The following TENM3 variants were observed in gnomAD, a reference collection of about 807,000 sequenced individuals.
TENM3 encodes teneurin transmembrane protein 3.
Under a neutral mutation model 255.1 loss-of-function variants are expected in TENM3, and 63 were observed. The observed-to-expected ratio is 0.25, with a 90% CI of 0.20 to 0.30. The LOEUF (loss-of-function observed/expected upper bound fraction) is 0.30, where lower values mean the gene tolerates loss of function less well. TENM3 is among the 10% of genes least tolerant of loss of function. TENM3 has a pLI of 1.00. For missense variants in TENM3, 2,929 were observed against 3,461.1 expected (o/e 0.85, Z 3.86); for synonymous variants, 1,306 against 1,322.3 (o/e 0.99, Z 0.27).
the TENM3 span, among the ~76,000 whole-genome samples, chr4:181,918,003 T>G: frequency 2.0e-5 from 3 of 152,182 alleles, no homozygotes; most frequent in Non-Finnish European, 2.9e-5. Flanking sequence ...TTTGTTATTA[T>G]ATTTTCTTAG....
intron 3 of TENM3, chr4:182,448,944 C>CCTCA: frequency 2.6e-6 from 1 of 389,892 alleles, no homozygotes; most frequent in South Asian, 1.7e-5. Flanking sequence ...AACAGAGGAG[C>CCTCA]CTCAGCCTAT....
chr4:182,517,457 C>T lies in TENM3; in HGVS notation c.512-83467C>T, dbSNP rs1283746927. ...GGAGTGCAGTGGTGCGATCTCGGCT[C>T]GCTGCAAGCTCCGCCTCCCGGGTTC... On this transcript the variant is annotated intron_variant, in intron 3 of 27. Transcript: ENST00000511685. 1.6e-5 allele frequency among the ~76,000 whole-genome samples: 2 copies of T among 127,368 alleles called. 1 individual carries two copies. The highest frequency in any genetic ancestry group is 3.3e-5 in the Non-Finnish European group (2 of 59,926). The allele number at this position is 127,368 out of a possible 152,430, so 83.6% of individuals were successfully genotyped here. A position where few individuals can be genotyped will look rare whatever the true frequency, so the allele number is the denominator to read the frequency against.
At chr4:181,673,888 G>A in the TENM3 span, among the ~76,000 whole-genome samples, 3 of 148,120 alleles carry the variant, frequency 2.0e-5, no homozygotes, top group African/African-American at 7.5e-5. Flanking sequence ...GTGTGTGTGT[G>A]TGTTTTAGAA....
At chr4:182,506,869 C>G (rs954639856) in intron 3 of TENM3, among the ~76,000 whole-genome samples, 21 of 152,208 alleles carry the variant, frequency 1.4e-4, no homozygotes, top group African/African-American at 5.1e-4. Context: ...TTCGATGGTT[C>G]TTCATACCTT....
At chr4:182,355,556 G>A (rs796849928) in intron 3 of TENM3, among the ~76,000 whole-genome samples, 15 of 152,150 alleles carry the variant, frequency 9.9e-5, no homozygotes, top group African/African-American at 3.6e-4. Context: ...GGAAATAAAG[G>A]TTTTGTTGAA....
intron 2 of TENM3, among the ~76,000 whole-genome samples, chr4:182,339,981 C>T (rs1764384134): frequency 6.6e-6 from 1 of 152,024 alleles, no homozygotes; most frequent in South Asian, 2.1e-4. Context: ...ATGGTTGCCC[C>T]ATTAAATCCT....
chr4:181,777,037 T>A, the TENM3 span, among the ~76,000 whole-genome samples: 1 of 152,174 alleles, frequency 6.6e-6, no homozygotes, highest in Non-Finnish European at 1.5e-5. Flanking sequence ...TACCTATGCT[T>A]CCTTCTAGTA....
At chr4:181,885,860 C>T in the TENM3 span, among the ~76,000 whole-genome samples, 1 of 152,090 alleles carries the variant, frequency 6.6e-6, no homozygotes, top group Non-Finnish European at 1.5e-5. Context: ...AGAGATAAAA[C>T]ATTCAAAGAA....
chr4:181,771,797 C>T, the TENM3 span, among the ~76,000 whole-genome samples: 1 of 152,228 alleles, frequency 6.6e-6, no homozygotes, highest in Non-Finnish European at 1.5e-5. Context: ...CCGCAGACCA[C>T]ATTTTGCGAA....
chr4:181,725,310 T>C, the TENM3 span, among the ~76,000 whole-genome samples: 1 of 152,218 alleles, frequency 6.6e-6, no homozygotes, highest in Non-Finnish European at 1.5e-5. Context: ...CACATGCAAA[T>C]TGCCATCTTT....
chr4:181,726,007 CAGGAAAGA>C, the TENM3 span, among the ~76,000 whole-genome samples: 1 of 151,532 alleles, frequency 6.6e-6, no homozygotes, highest in East Asian at 1.9e-4. Flanking sequence ...CAAATGCTAA[CAGGAAAGA>C]AGGAAAGAAA....
At chr4:182,648,856 C>T (rs888122531) in intron 5 of TENM3, among the ~76,000 whole-genome samples, 3 of 152,074 alleles carry the variant, frequency 2.0e-5, no homozygotes, top group Admixed American at 2.0e-4. Context: ...TTCTTTTGCC[C>T]AACATTAGGC....
chr4:181,820,797 C>A, the TENM3 span, among the ~76,000 whole-genome samples: 10 of 152,124 alleles, frequency 6.6e-5, no homozygotes, highest in African/African-American at 2.4e-4. Context: ...TTCTTGAATG[C>A]CAGTGGCAGC....
chr4:182,758,163 T>C (rs545912749), intron 22 of TENM3, among the ~76,000 whole-genome samples: 1 of 152,330 alleles, frequency 6.6e-6, no homozygotes, highest in East Asian at 1.9e-4. Context: ...TGCAAAATAA[T>C]GTGTTAAAGA....
chr4:182,374,898 C>T (rs970160404), intron 3 of TENM3, among the ~76,000 whole-genome samples: 3 of 152,138 alleles, frequency 2.0e-5, no homozygotes, highest in African/African-American at 7.2e-5. Flanking sequence ...ACCAAATAAT[C>T]TTATTTTTCC....
the TENM3 span, among the ~76,000 whole-genome samples, chr4:181,999,284 C>G: frequency 1.3e-5 from 2 of 152,166 alleles, no homozygotes; most frequent in Non-Finnish European, 1.5e-5. Flanking sequence ...AAAGACCAGG[C>G]AGGTGCTCCA....
At chr4:182,487,669 G>A (rs1295880261) in intron 3 of TENM3, among the ~76,000 whole-genome samples, 2 of 152,056 alleles carry the variant, frequency 1.3e-5, no homozygotes, top group East Asian at 3.9e-4. Context: ...CTGGCTAGAT[G>A]TTCATATTTT....
intron 3 of TENM3, among the ~76,000 whole-genome samples, chr4:182,380,914 T>C (rs1767520338): frequency 3.3e-5 from 5 of 152,192 alleles, no homozygotes; most frequent in South Asian, 2.1e-4. Context: ...CCTGACCTCA[T>C]ATGAAACCTC....
intron 1 of TENM3, among the ~76,000 whole-genome samples, chr4:182,175,295 G>T (rs1752389141): frequency 1.6e-5 from 1 of 64,004 alleles, no homozygotes; most frequent in Admixed American, 2.3e-4. Flanking sequence ...CCTCTGCTCT[G>T]CTTCATTAAA....
Sources: allele counts gnomAD v4.1 joint callset (sites outside exome capture counted in the v4.1 genomes callset), GRCh38; gene constraint gnomAD v4.1.1; transcripts MANE v1.5; gene names NCBI Gene and HGNC (gene_info 2026-07-23, HGNC 2026-07-21).